C19orf81: variants seen among roughly 807,000 people sequenced by gnomAD.
C19orf81 encodes putative uncharacterized protein C19orf81.
C19orf81 carries 19 observed loss-of-function variants against 22.1 expected under a neutral mutation model. The ratio of observed to expected loss-of-function variants is 0.86; its 90% CI spans 0.60 to 1.26. The LOEUF is 1.26. Among genes scored for constraint, C19orf81 ranks in the 50% most tolerant of loss-of-function variants. The pLI is 0.00. For synonymous variants in C19orf81, 108 were observed against 113.1 expected (o/e 0.95, Z 0.29); for missense variants, 287 against 280.7 (o/e 1.02, Z -0.16).
chr19:50,658,855 C>T (rs774418710), intron 4 of C19orf81, 92 bp from the exon 5 acceptor site: 2 of 1,166,308 alleles, frequency 1.7e-6, no homozygotes, highest in Non-Finnish European at 2.3e-6. Flanking sequence ...GGCCTGTAAA[C>T]GACTCCAGGG....
At chr19:50,653,587 A>T (rs1984923868) in intron 1 of C19orf81, among the ~76,000 whole-genome samples, 1 of 151,648 alleles carries the variant, frequency 6.6e-6, no homozygotes, top group African/African-American at 2.4e-5. Context: ...TGTGTGTGAG[A>T]GTGTGCAGGA....
intron 1 of C19orf81, chr19:50,649,939 C>T (rs1002447107): frequency 4.4e-5 from 19 of 434,582 alleles, no homozygotes; most frequent in African/African-American, 3.2e-4. Flanking sequence ...CAATTCCCTC[C>T]CACAGCCCAT....
Position 50,659,047 on chromosome 19 carries a change from C to A in C19orf81, c.502C>A (p.Leu168Ile). The change falls in exon 5 of 5, where the codon CTC becomes ATC. Residue 168 changes from leucine to isoleucine, a missense_variant. By Grantham distance (5) the Leu-to-Ile change is conservative. Transcript: ENST00000425202. ...LAHQIVRHDD[L>I]LLGDYRLHLR... ...GCACCAGATCGTGCGCCACGACGAC[C>A]TCCTGCTGGGCGACTACCGCCTGCA... 1 of 1,529,564 alleles carries A rather than the reference C, an allele frequency of 6.5e-7. No individual in the cohort carries two copies. Among genetic ancestry groups the A allele is most frequent in the Non-Finnish European group, 8.7e-7 (1 of 1,143,536 alleles). The allele number at this position is 1,529,564 out of a possible 1,614,324, so 94.7% of individuals were successfully genotyped here.
intron 1 of C19orf81, among the ~76,000 whole-genome samples, chr19:50,655,118 C>T (rs1187650342): frequency 1.3e-5 from 2 of 152,202 alleles, no homozygotes; most frequent in Non-Finnish European, 2.9e-5. Context: ...AGCATGGTCA[C>T]ATGGCCACAC....
chr19:50,653,147 C>T (rs925229369), intron 1 of C19orf81, among the ~76,000 whole-genome samples: 1 of 152,110 alleles, frequency 6.6e-6, no homozygotes, highest in Non-Finnish European at 1.5e-5. Context: ...AAGCAATTCT[C>T]CTGCCTCAGC....
Position 50,659,038 on chromosome 19 carries a change from C to A in C19orf81, c.493C>A (p.His165Asn), listed in dbSNP as rs767601758. 8 of 1,529,698 alleles carry A rather than the reference C, an allele frequency of 5.2e-6. No homozygotes were observed. The South Asian group carries it at 9.6e-5, about 18-fold the overall frequency. The allele number at this position is 1,529,698 out of a possible 1,614,324, so 94.8% of individuals were successfully genotyped here. Residue 165 changes from histidine (H) to asparagine (N), a missense_variant, in exon 5 of 5, where the codon CAC becomes AAC. Transcript: ENST00000425202. ...CGGGCTTGCGCACCAGATCGTGCGC[C>A]ACGACGACCTCCTGCTGGGCGACTA... ...PRGLAHQIVRHDDLLLGDYRL... is the reference protein window; with the variant it reads ...PRGLAHQIVRNDDLLLGDYRL...
chr19:50,656,069 G>A lies in C19orf81; in HGVS notation c.87G>A (p.Leu29=), dbSNP rs1984987383. The A allele has an allele frequency of 6.5e-7, 1 of 1,536,026 alleles. No individual in the cohort carries two copies. ...CCTCAGGAGCCCTCCTTATGGACCT[G>A]GAGACCCCAGAGGAGATGCAGGCTC... is the stretch of plus-strand genomic sequence containing the variant. ...HRKAGALLMD[L]ETPEEMQARS... Residue 29 remains leucine, a synonymous_variant, in exon 2 of 5, where the codon CTG becomes CTA. Coordinates refer to ENST00000425202, the MANE Select transcript of C19orf81 (RefSeq NM_001195076.2).
At chr19:50,655,153 T>C (rs893309076) in intron 1 of C19orf81, among the ~76,000 whole-genome samples, 1 of 152,206 alleles carries the variant, frequency 6.6e-6, no homozygotes. Flanking sequence ...GTCTGGGAAC[T>C]GTTGTCTCTA....
chr19:50,650,708 C>T (rs1984860004), intron 1 of C19orf81, among the ~76,000 whole-genome samples: 1 of 152,176 alleles, frequency 6.6e-6, no homozygotes, highest in African/African-American at 2.4e-5. Flanking sequence ...CAAAAACACC[C>T]AAAACCAAAA....
In C19orf81 at chr19:50,658,078, C is replaced by T. The variant is rs2123044772; in HGVS notation, c.351C>T (p.Ile117=). The T allele has an allele frequency of 6.5e-7, 1 of 1,536,004 alleles. No individual in the cohort carries two copies. The highest frequency in any genetic ancestry group is 8.7e-7 in the Non-Finnish European group (1 of 1,146,848). ...TGGAGAGCGGGCGCGTGAGCAGCAT[C>T]CGCTTTGAGAACATGAACGTCATCT... The part of the protein sequence containing the change: ...GAMESGRVSS[I]RFENMNVICG... The change falls in exon 4 of 5, where the codon ATC becomes ATT. Residue 117 remains isoleucine, a synonymous_variant. Coordinates refer to ENST00000425202, the MANE Select transcript of C19orf81 (RefSeq NM_001195076.2).
intron 1 of C19orf81, among the ~76,000 whole-genome samples, chr19:50,650,980 G>A (rs758742126): frequency 2.0e-5 from 3 of 152,198 alleles, no homozygotes; most frequent in Non-Finnish European, 2.9e-5. Flanking sequence ...TTTGTTGATC[G>A]ACGTTTGTTC....
chr19:50,649,614 C>A, intron 1 of C19orf81, 103 bp downstream of exon 1: 2 of 1,268,572 alleles, frequency 1.6e-6, no homozygotes, highest in Non-Finnish European at 2.2e-6. Flanking sequence ...ACTGGCACTC[C>A]AAAGTGAAAG....
chr19:50,653,042 T>G (rs181658992), intron 1 of C19orf81, among the ~76,000 whole-genome samples: 134 of 152,282 alleles, frequency 8.8e-4, no homozygotes, highest in African/African-American at 3.2e-3. Context: ...TCTATTCTAT[T>G]TTATTTTATT....
At chr19:50,655,658 A>AAC (rs1193124332) in intron 1 of C19orf81, among the ~76,000 whole-genome samples, 1 of 151,984 alleles carries the variant, frequency 6.6e-6, no homozygotes, top group African/African-American at 2.4e-5. Context: ...CAAAAAAAAA[A>AAC]AACAAAAAAC....
rs554798671 is a variant in C19orf81 at position 50,658,065 on chromosome 19, G to C, written c.338G>C (p.Arg113Pro). ...TTACCAGGGGCCATGGAGAGCGGGC[G>C]CGTGAGCAGCATCCGCTTTGAGAAC... ...AQLPGAMESG[R>P]VSSIRFENMN... Residue 113 changes from arginine to proline, a missense_variant, in exon 4 of 5, where the codon CGC becomes CCC. By Grantham distance (103) the Arg-to-Pro change is moderately radical (BLOSUM62 -2). Coordinates refer to ENST00000425202, the MANE Select transcript of C19orf81 (RefSeq NM_001195076.2). 261 of 1,536,016 alleles carry C rather than the reference G, an allele frequency of 1.7e-4. 1 individual carries two copies. In the African/African-American group the frequency reaches 2.9e-3, roughly 17 times the overall value.
At chr19:50,655,135 G>T (rs906925082) in intron 1 of C19orf81, among the ~76,000 whole-genome samples, 1 of 152,234 alleles carries the variant, frequency 6.6e-6, no homozygotes, top group Non-Finnish European at 1.5e-5. Flanking sequence ...ACACTTACCT[G>T]CAAGGGAGTC....
chr19:50,650,540 G>A (rs142405876), intron 1 of C19orf81, among the ~76,000 whole-genome samples: 90 of 152,202 alleles, frequency 5.9e-4, no homozygotes, highest in African/African-American at 2.1e-3. Flanking sequence ...GTGTGGTGCC[G>A]GGTGCCTGTA....
rs1259130238 is a variant in C19orf81 at position 50,659,259 on chromosome 19, G to A, written c.*117G>A. The A allele has an allele frequency of 2.8e-5, 23 of 807,514 alleles. No homozygotes were observed. In the South Asian group the frequency reaches 8.7e-4, roughly 30 times the overall value. The allele number at this position is 807,514 out of a possible 1,614,324, so 50.0% of individuals were successfully genotyped here. A position where few individuals can be genotyped will look rare whatever the true frequency, so the allele number is the denominator to read the frequency against. On this transcript the variant is annotated 3_prime_UTR_variant, in exon 5 of 5. Transcript: ENST00000425202. ...CAGGAAGGAGGCGGGGCCGGCTCGA[G>A]GGGGTGGATACTGTGAGTTTAATTA...
chr19:50,656,158 C>T (rs192093645), intron 2 of C19orf81, 36 bp downstream of exon 2: 85 of 1,536,118 alleles, frequency 5.5e-5, no homozygotes, highest in East Asian at 7.3e-5. Flanking sequence ...CTCTATCTTC[C>T]GCCTCCCCAA....
Sources: gnomAD v4.1 joint callset for allele counts (sites outside exome capture counted in the v4.1 genomes callset) on GRCh38, gnomAD v4.1.1 for gene constraint, MANE v1.5 for transcripts, NCBI Gene and HGNC (gene_info 2026-07-23, HGNC 2026-07-21) for gene names.